Variants in INPP4B observed in about 807,000 individuals in gnomAD.
INPP4B encodes inositol polyphosphate 4-phosphatase type II.
INPP4B carries 55 observed loss-of-function variants against 122.5 expected under a neutral mutation model. The observed-to-expected ratio is 0.45, with a 90% confidence interval of 0.36 to 0.56. INPP4B has a LOEUF of 0.56. Ranked by LOEUF, INPP4B falls within the 20% of genes least tolerant of loss-of-function variation. INPP4B has a pLI of 0.00. For synonymous variants in INPP4B, 403 were observed against 388.7 expected (o/e 1.04, Z -0.43); for missense variants, 1,000 against 1,097.7 (o/e 0.91, Z 1.26).
At chr4:142,335,680 G>A (rs897349523) in intron 7 of INPP4B, among the ~76,000 whole-genome samples, 2 of 152,128 alleles carry the variant, frequency 1.3e-5, no homozygotes, top group Non-Finnish European at 2.9e-5. Context: ...ATCATCAAAG[G>A]GCAGAACATA....
intron 2 of INPP4B, among the ~76,000 whole-genome samples, chr4:142,635,028 C>T (rs1476702399): frequency 6.6e-6 from 1 of 151,928 alleles, no homozygotes; most frequent in Admixed American, 6.6e-5. Context: ...AAAACAACCC[C>T]ATTCAAAAGT....
chr4:142,464,004 C>A (rs543535457), intron 2 of INPP4B, among the ~76,000 whole-genome samples: 1 of 152,214 alleles, frequency 6.6e-6, no homozygotes, highest in South Asian at 2.1e-4. Flanking sequence ...AATACAACCA[C>A]CCTATAAGGG....
At chr4:142,086,783 A>T (rs1777037021) in intron 23 of INPP4B, among the ~76,000 whole-genome samples, 1 of 152,200 alleles carries the variant, frequency 6.6e-6, no homozygotes, top group Non-Finnish European at 1.5e-5. Flanking sequence ...TCTATTCTGT[A>T]TAACTATGGT....
intron 2 of INPP4B, among the ~76,000 whole-genome samples, chr4:142,489,569 A>G (rs1249881749): frequency 6.6e-6 from 1 of 151,680 alleles, no homozygotes; most frequent in Non-Finnish European, 1.5e-5. Flanking sequence ...AATTTTTTGT[A>G]TTTTAGTAGA....
intron 1 of INPP4B, among the ~76,000 whole-genome samples, chr4:142,745,363 G>C (rs1460261217): frequency 6.6e-6 from 1 of 151,812 alleles, no homozygotes; most frequent in African/African-American, 2.4e-5. Flanking sequence ...AATGTAACTA[G>C]ACTAAGACTA....
intron 7 of INPP4B, among the ~76,000 whole-genome samples, chr4:142,400,597 A>G (rs1801262065): frequency 6.6e-6 from 1 of 152,220 alleles, no homozygotes; most frequent in Non-Finnish European, 1.5e-5. Context: ...GTTTCTATGT[A>G]CACTTCCATC....
intron 10 of INPP4B, among the ~76,000 whole-genome samples, chr4:142,265,956 AG>A (rs1742556017): frequency 6.6e-6 from 1 of 152,210 alleles, no homozygotes; most frequent in Non-Finnish European, 1.5e-5. Flanking sequence ...TGGAGTCAAA[AG>A]GTGGGCTAGT....
intron 25 of INPP4B, among the ~76,000 whole-genome samples, chr4:142,057,072 G>A (rs12643489): frequency 0.063 from 9,520 of 152,098 alleles, 488 homozygotes; most frequent in East Asian, 0.24. Context: ...TTAGAGTATG[G>A]TACTGTTTGT....
In INPP4B at chr4:142,391,833, G is replaced by A. The variant is rs532553780; in HGVS notation, c.372+11105C>T. Among the ~76,000 whole-genome samples the A allele has an allele frequency of 8.5e-5, 13 of 152,198 alleles. No homozygotes were observed. The South Asian group carries it at 2.3e-3, about 27-fold the overall frequency. On this transcript the variant is annotated intron_variant, in intron 7 of 25. Coordinates refer to ENST00000262992, the MANE Select transcript of INPP4B (RefSeq NM_001101669.3). ...CCTGAGAAAACAATCAAAGCTTCAG[G>A]TACATTTGGTTGCCTGTTGGGCCGT...
intron 12 of INPP4B, among the ~76,000 whole-genome samples, chr4:142,233,125 T>A (rs1365854907): frequency 3.9e-5 from 6 of 152,106 alleles, no homozygotes; most frequent in Admixed American, 1.3e-4. Flanking sequence ...TTGATGACGG[T>A]GGCTATCATT....
intron 1 of INPP4B, chr4:142,795,731 C>T (rs1044876092): frequency 2.6e-5 from 4 of 151,952 alleles, no homozygotes; most frequent in Non-Finnish European, 5.9e-5. Flanking sequence ...ACCAAAGCAA[C>T]CATCAATGCG....
intron 7 of INPP4B, among the ~76,000 whole-genome samples, chr4:142,333,598 A>G (rs1217358502): frequency 6.6e-6 from 1 of 152,222 alleles, no homozygotes; most frequent in Non-Finnish European, 1.5e-5. Context: ...ATATCATATA[A>G]TTCAACAGTG....
intron 2 of INPP4B, among the ~76,000 whole-genome samples, chr4:142,600,707 T>A (rs1052965386): frequency 6.6e-6 from 1 of 152,010 alleles, no homozygotes; most frequent in Admixed American, 6.6e-5. Flanking sequence ...CAATAACAAC[T>A]CTTGAATATA....
At chr4:142,637,261 CAT>C (rs1281257776) in intron 2 of INPP4B, among the ~76,000 whole-genome samples, 1 of 152,078 alleles carries the variant, frequency 6.6e-6, no homozygotes. Flanking sequence ...TGGGTTTTGA[CAT>C]ATGTATAATG....
At chr4:142,317,524 TC>T in intron 7 of INPP4B, 1 of 238,954 alleles carries the variant, frequency 4.2e-6, no homozygotes. Context: ...GTCCTGGTTG[TC>T]CCTCCACTGA....
intron 9 of INPP4B, among the ~76,000 whole-genome samples, chr4:142,295,283 T>C (rs929346552): frequency 2.0e-5 from 3 of 152,194 alleles, no homozygotes; most frequent in East Asian, 1.9e-4. Flanking sequence ...TGTACAAATA[T>C]TACAAACTTG....
chr4:142,322,537 A>G (rs543593187), intron 7 of INPP4B, among the ~76,000 whole-genome samples: 10 of 152,338 alleles, frequency 6.6e-5, no homozygotes, highest in African/African-American at 2.2e-4. Flanking sequence ...GTCTATAAGA[A>G]GTGACAACTA....
intron 25 of INPP4B, among the ~76,000 whole-genome samples, chr4:142,066,268 A>G (rs994380956): frequency 2.0e-5 from 3 of 152,206 alleles, no homozygotes; most frequent in Non-Finnish European, 1.5e-5. Context: ...CTGAAACATC[A>G]CATTCTACAG....
intron 1 of INPP4B, among the ~76,000 whole-genome samples, chr4:142,749,284 CAT>C (rs921486851): frequency 2.1e-5 from 3 of 143,664 alleles, no homozygotes; most frequent in Non-Finnish European, 4.5e-5. Context: ...AATGTCTTAC[CAT>C]ATATATATAA....
Sources: allele counts gnomAD v4.1 joint callset (sites outside exome capture counted in the v4.1 genomes callset), GRCh38; gene constraint gnomAD v4.1.1; transcripts MANE v1.5; gene names NCBI Gene and HGNC (gene_info 2026-07-23, HGNC 2026-07-21).